Variants in AFAP1 observed in about 807,000 individuals in gnomAD.
AFAP1 encodes the protein actin filament-associated protein 1.
AFAP1 carries 75 observed loss-of-function variants against 93.9 expected under a neutral mutation model. That is an observed-to-expected ratio of 0.80 (90% CI 0.66 to 0.97). The LOEUF (loss-of-function observed/expected upper bound fraction) is 0.97. Ranked by LOEUF, AFAP1 falls within the 50% of genes least tolerant of loss-of-function variation. The pLI is 0.00. For synonymous variants in AFAP1, 517 were observed against 430.7 expected (o/e 1.20, Z -2.48); for missense variants, 1,201 against 1,050.8 (o/e 1.14, Z -1.98).
intron 17 of AFAP1, 100 bp downstream of exon 17, chr4:7,768,744 C>A: frequency 7.3e-7 from 1 of 1,360,648 alleles, no homozygotes; most frequent in Non-Finnish European, 9.7e-7. Context: ...CAAGTGGATG[C>A]AGTAGGAAGA....
At chr4:7,868,005 C>T (rs114299003) in intron 3 of AFAP1, among the ~76,000 whole-genome samples, 1,633 of 151,218 alleles carry the variant, frequency 0.011, 34 homozygotes, top group African/African-American at 0.035. Flanking sequence ...CTGAATTCCT[C>T]GAGTAAACAA....
chr4:7,778,503 C>A, intron 14 of AFAP1: 1 of 540,168 alleles, frequency 1.9e-6, no homozygotes, highest in Non-Finnish European at 3.3e-6. Flanking sequence ...GCACTCACAA[C>A]TGCCTCCTAT....
intron 1 of AFAP1, among the ~76,000 whole-genome samples, chr4:7,913,058 C>T (rs1002185563): frequency 6.6e-6 from 1 of 152,102 alleles, no homozygotes; most frequent in Non-Finnish European, 1.5e-5. Flanking sequence ...CCATGTTATC[C>T]AGGCTGGTCT....
intron 1 of AFAP1, among the ~76,000 whole-genome samples, chr4:7,892,527 A>G (rs1577339392): frequency 6.6e-6 from 1 of 152,208 alleles, no homozygotes; most frequent in African/African-American, 2.4e-5. Context: ...GAGATGCCAC[A>G]TGTCCAGCAA....
At chr4:7,769,868 C>T (rs1023618545) in intron 16 of AFAP1, among the ~76,000 whole-genome samples, 1 of 152,232 alleles carries the variant, frequency 6.6e-6, no homozygotes, top group Non-Finnish European at 1.5e-5. Context: ...GCCAACTTGA[C>T]CTATGCAGTG....
At chr4:7,834,058 CATCA>C (rs1365009723) in intron 6 of AFAP1, among the ~76,000 whole-genome samples, 1 of 148,796 alleles carries the variant, frequency 6.7e-6, no homozygotes. Flanking sequence ...CCCAAATGCC[CATCA>C]ATCAACAAGT....
intron 1 of AFAP1, among the ~76,000 whole-genome samples, chr4:7,899,731 CAGA>C (rs1719005577): frequency 6.6e-6 from 1 of 152,116 alleles, no homozygotes; most frequent in Admixed American, 6.5e-5. Flanking sequence ...GGTTAGACAG[CAGA>C]AGAATAACAA....
chr4:7,936,488 C>A (rs1721388431), intron 1 of AFAP1, among the ~76,000 whole-genome samples: 1 of 151,740 alleles, frequency 6.6e-6, no homozygotes, highest in African/African-American at 2.4e-5. Context: ...CAGCACCTGG[C>A]CTTACTGTTT....
intron 1 of AFAP1, among the ~76,000 whole-genome samples, chr4:7,902,126 C>G (rs1285385792): frequency 6.6e-6 from 1 of 152,202 alleles, no homozygotes; most frequent in Non-Finnish European, 1.5e-5. Context: ...CCCGTCTTCT[C>G]TGACTGCAAT....
At chr4:7,825,572 A>G (rs1459023319) in intron 6 of AFAP1, among the ~76,000 whole-genome samples, 1 of 152,222 alleles carries the variant, frequency 6.6e-6, no homozygotes, top group Non-Finnish European at 1.5e-5. Context: ...ATCAAAACGT[A>G]GAGGGTGCCG....
chr4:7,790,443 G>A (rs2149003699), intron 11 of AFAP1, among the ~76,000 whole-genome samples: 1 of 152,266 alleles, frequency 6.6e-6, no homozygotes, highest in East Asian at 1.9e-4. Context: ...TAAAGTAAAA[G>A]CCAAGCTGTA....
At chr4:7,832,010 G>A (rs947730438) in intron 6 of AFAP1, among the ~76,000 whole-genome samples, 1 of 152,114 alleles carries the variant, frequency 6.6e-6, no homozygotes, top group African/African-American at 2.4e-5. Flanking sequence ...CTGCTTGATC[G>A]CTATGGATCA....
chr4:7,871,609 C>T (rs1258779220), intron 2 of AFAP1, among the ~76,000 whole-genome samples: 2 of 152,236 alleles, frequency 1.3e-5, no homozygotes, highest in African/African-American at 2.4e-5. Flanking sequence ...ATCTGCCAGT[C>T]GGACTGTGCA....
chr4:7,827,037 G>C, intron 6 of AFAP1, among the ~76,000 whole-genome samples: 1 of 152,162 alleles, frequency 6.6e-6, no homozygotes, highest in East Asian at 1.9e-4. Context: ...AGCAGAGATG[G>C]AAACGATTTA....
At chr4:7,902,239 G>C (rs904966628) in intron 1 of AFAP1, among the ~76,000 whole-genome samples, 1 of 152,154 alleles carries the variant, frequency 6.6e-6, no homozygotes, top group African/African-American at 2.4e-5. Context: ...ATCCCCATGT[G>C]ATGCGTGGAA....
In AFAP1 at chr4:7,759,787, G is replaced by A. The variant is rs1271559421; in HGVS notation, c.*3978C>T. 1 of 152,384 alleles carries A rather than the reference G, an allele frequency of 6.6e-6. No homozygotes were observed. The highest frequency in any genetic ancestry group is 1.9e-4 in the East Asian group (1 of 5,180). 9.4% of individuals were successfully genotyped at this position (152,384 alleles called of 1,614,324 possible). A position where few individuals can be genotyped will look rare whatever the true frequency, so the allele number is the denominator to read the frequency against. On this transcript the variant is annotated 3_prime_UTR_variant, in exon 18 of 18. Transcript: ENST00000420658. ...CCCAGAAGAGGCTGTTTCAAGGATG[G>A]ACATCCACCTGAATGCAGGGGCCAC...
intron 10 of AFAP1, 36 bp from the exon 11 acceptor site, chr4:7,793,862 C>T: frequency 6.8e-7 from 1 of 1,471,126 alleles, no homozygotes. Context: ...CTGTATTTAA[C>T]TAAAGATTTT....
chr4:7,798,416 TCTATTGGCTGGCTCACAGCATTGCAACC>T (rs1301729948), intron 10 of AFAP1, among the ~76,000 whole-genome samples: 84 of 118,304 alleles, frequency 7.1e-4, no homozygotes, highest in African/African-American at 2.0e-3. Context: ...GCACTGCAAC[TCTATTGGCTGGCTCACAGCATTGCAACC>T]CTATTGGCTG....
chr4:7,929,226 G>A (rs1179493952), intron 1 of AFAP1, among the ~76,000 whole-genome samples: 1 of 152,178 alleles, frequency 6.6e-6, no homozygotes, highest in Admixed American at 6.5e-5. Flanking sequence ...TTCCTCAGGA[G>A]CAGGCAGTGA....
Sources: allele counts gnomAD v4.1 joint callset (sites outside exome capture counted in the v4.1 genomes callset), GRCh38; gene constraint gnomAD v4.1.1; transcripts MANE v1.5; gene names NCBI Gene and HGNC (gene_info 2026-07-23, HGNC 2026-07-21).